The following RAP1A variants were observed in gnomAD, a reference collection of about 807,000 sequenced individuals.
RAP1A encodes the protein RAP1A, member of RAS oncogene family, also known as ras-related protein Rap-1A.
RAP1A carries 6 observed loss-of-function variants against 26.4 expected under a neutral mutation model. The observed-to-expected ratio is 0.23, with a 90% CI of 0.12 to 0.45. RAP1A has a LOEUF of 0.45. Among genes scored for constraint, RAP1A ranks in the 20% least tolerant of loss-of-function variants. The pLI is 0.99. For synonymous variants in RAP1A, 73 were observed against 79.4 expected (o/e 0.92, Z 0.43); for missense variants, 121 against 217.2 (o/e 0.56, Z 2.78).
chr1:111,619,783 G>GGCGCCGCCGCCGCTCCCGAGGCCC (rs1553214379), upstream of RAP1A: 6 of 397,700 alleles, frequency 1.5e-5, no homozygotes, highest in South Asian at 2.5e-4. Context: ...TTCTGGAGGA[G>GGCGCCGCCGCCGCTCCCGAGGCCC]GCGCCGCCGC....
intron 1 of RAP1A, among the ~76,000 whole-genome samples, chr1:111,568,185 A>G (rs1657965845): frequency 6.6e-6 from 1 of 152,178 alleles, no homozygotes; most frequent in Admixed American, 6.5e-5. Flanking sequence ...TTGCATTACT[A>G]TAAAGGAATA....
intron 1 of RAP1A, chr1:111,563,873 G>A (rs369653049): frequency 3.0e-5 from 48 of 1,613,316 alleles, no homozygotes; most frequent in Middle Eastern, 1.6e-4. Context: ...GCAGCCCAGT[G>A]TCCAGTCTGG....
chr1:111,658,014 G>A (rs1236230817), intron 1 of RAP1A, among the ~76,000 whole-genome samples: 1 of 152,062 alleles, frequency 6.6e-6, no homozygotes, highest in East Asian at 1.9e-4. Context: ...CAAATTTATT[G>A]AGACTTACTT....
chr1:111,705,542 C>T (rs1662163398), intron 6 of RAP1A, among the ~76,000 whole-genome samples: 1 of 152,126 alleles, frequency 6.6e-6, no homozygotes, highest in Non-Finnish European at 1.5e-5. Flanking sequence ...AATGCCAAAG[C>T]TTGTTTTTTT....
intron 1 of RAP1A, among the ~76,000 whole-genome samples, chr1:111,583,290 T>TAAA (rs33946441): frequency 7.0e-6 from 1 of 143,656 alleles, no homozygotes; most frequent in African/African-American, 2.6e-5. Flanking sequence ...GCTCATGCTT[T>TAAA]AAAAAAAAAA....
intron 1 of RAP1A, chr1:111,648,275 G>C: frequency 1.1e-6 from 1 of 950,920 alleles, no homozygotes; most frequent in Non-Finnish European, 1.6e-6. Context: ...AGGGTACCCT[G>C]CTTCTGCTGG....
chr1:111,638,350 C>G (rs898232129), intron 1 of RAP1A, among the ~76,000 whole-genome samples: 2 of 152,066 alleles, frequency 1.3e-5, no homozygotes, highest in African/African-American at 2.4e-5. Context: ...AGCATAAATT[C>G]CCATTTGTAA....
chr1:111,562,879 G>T (rs192012560), intron 1 of RAP1A, among the ~76,000 whole-genome samples: 1 of 152,206 alleles, frequency 6.6e-6, no homozygotes, highest in Non-Finnish European at 1.5e-5. Context: ...AATACAAGTA[G>T]ATGCTTAGCC....
intron 1 of RAP1A, among the ~76,000 whole-genome samples, chr1:111,570,010 G>A (rs893707677): frequency 6.6e-6 from 1 of 152,196 alleles, no homozygotes; most frequent in Non-Finnish European, 1.5e-5. Flanking sequence ...GAAACTGCTT[G>A]AGTGCTATGT....
chr1:111,602,805 C>A (rs903448192), intron 1 of RAP1A, among the ~76,000 whole-genome samples: 1 of 152,154 alleles, frequency 6.6e-6, no homozygotes, highest in African/African-American at 2.4e-5. Flanking sequence ...AAAATCTACC[C>A]CAGTATCTAC....
At chr1:111,681,119 A>G (rs1370331521) in intron 1 of RAP1A, among the ~76,000 whole-genome samples, 2 of 152,066 alleles carry the variant, frequency 1.3e-5, no homozygotes, top group Non-Finnish European at 2.9e-5. Context: ...GTGCATTTAT[A>G]ATGGTTGGTG....
intron 1 of RAP1A, among the ~76,000 whole-genome samples, chr1:111,651,718 C>G (rs980296501): frequency 3.3e-5 from 5 of 151,986 alleles, no homozygotes; most frequent in African/African-American, 1.2e-4. Context: ...CTCAAGTGAT[C>G]TGCCTGCCTC....
intron 6 of RAP1A, 136 bp downstream of exon 6, chr1:111,704,622 T>A: frequency 1.1e-6 from 1 of 932,500 alleles, no homozygotes; most frequent in Non-Finnish European, 1.5e-6. Context: ...ACTAAGTAAT[T>A]CCTGGAAACT....
At chr1:111,607,526 G>A (rs911608592) in intron 1 of RAP1A, among the ~76,000 whole-genome samples, 1 of 152,108 alleles carries the variant, frequency 6.6e-6, no homozygotes, top group African/African-American at 2.4e-5. Flanking sequence ...GAGCTGTTGG[G>A]TACACCTCCC....
chr1:111,593,652 C>CTTTTTTTTTTTTTTTTTTT (rs994763442), intron 1 of RAP1A, among the ~76,000 whole-genome samples: 1 of 65,378 alleles, frequency 1.5e-5, no homozygotes, highest in African/African-American at 6.2e-5. Flanking sequence ...ATGACTCCTA[C>CTTTTTTTTTTTTTTTTTTT]TTTTTTTTTT....
At chr1:111,634,948 A>G (rs1659683261) in intron 1 of RAP1A, among the ~76,000 whole-genome samples, 2 of 152,086 alleles carry the variant, frequency 1.3e-5, no homozygotes, top group Admixed American at 6.6e-5. Flanking sequence ...TGGCCTGTTC[A>G]TATATTTTAT....
chr1:111,633,049 G>A (rs79068349), intron 1 of RAP1A, among the ~76,000 whole-genome samples: 7,491 of 152,242 alleles, frequency 0.049, 235 homozygotes, highest in South Asian at 0.087. Context: ...GTTGGTTTGA[G>A]TTGGAAGGAC....
intron 1 of RAP1A, among the ~76,000 whole-genome samples, chr1:111,644,351 C>T (rs904295898): frequency 6.6e-6 from 1 of 152,114 alleles, no homozygotes; most frequent in African/African-American, 2.4e-5. Flanking sequence ...GGGTAGGGAC[C>T]TAGGTAATAG....
At chr1:111,582,032 C>G (rs1172908256) in intron 1 of RAP1A, among the ~76,000 whole-genome samples, 4 of 152,132 alleles carry the variant, frequency 2.6e-5, no homozygotes, top group Non-Finnish European at 5.9e-5. Flanking sequence ...AAGATTTGAA[C>G]CCAGTTAAGT....
Sources: allele counts gnomAD v4.1 joint callset (sites outside exome capture counted in the v4.1 genomes callset), GRCh38; gene constraint gnomAD v4.1.1; transcripts MANE v1.5; gene names NCBI Gene and HGNC (gene_info 2026-07-23, HGNC 2026-07-21).